The following RPS29 variants were observed in gnomAD, a reference collection of about 807,000 sequenced individuals.
RPS29 encodes small ribosomal subunit protein uS14.
For missense variants in RPS29, 60 were observed against 75.7 expected, an observed-to-expected ratio of 0.79 and a Z score of 0.77; for synonymous variants, 37 against 26.9, an observed-to-expected ratio of 1.37 and a Z score of -1.16.
At chr14:49,586,521 C>CT, upstream of RPS29, 1 of 637,596 alleles carries the variant, frequency 1.6e-6, no homozygotes, top group Middle Eastern at 2.5e-4. Flanking sequence ...GTGGGCTGGC[C>CT]CAGTTGATGA....
upstream of RPS29, chr14:49,586,949 A>G (rs140325587): frequency 6.8e-3 from 1,040 of 153,150 alleles, 8 homozygotes; most frequent in Middle Eastern, 0.044. Context: ...TTATTGATTA[A>G]ACCTTTTACT....
rs781608029 is a variant in RPS29 at position 49,585,981 on chromosome 14, C to T, written c.131G>A (p.Arg44His). ...GAAACCGATATCCTTCGCGTACTGA[C>T]GGAAACACTGGCGGCACATATTGAG... ...YGLNMCRQCF[R>H]QYAKDIGFIK... The change falls in exon 2 of 3, where the codon CGT (arginine) becomes CAT (histidine). Residue 44 changes from arginine to histidine, a missense_variant. Transcript: ENST00000245458. The T allele has an allele frequency of 1.2e-6, 2 of 1,613,800 alleles. No individual in the cohort carries two copies. Among genetic ancestry groups the T allele is most frequent in the Admixed American group, 3.3e-5 (2 of 59,988 alleles).
downstream of RPS29, among the ~76,000 whole-genome samples, chr14:49,581,979 C>T (rs1881348040): frequency 7.2e-6 from 1 of 139,668 alleles, no homozygotes; most frequent in South Asian, 2.2e-4. Flanking sequence ...CCACTGCACT[C>T]CAGCTTGGGT....
chr14:49,591,238 T>C (rs1384021337), upstream of RPS29, among the ~76,000 whole-genome samples: 2 of 152,166 alleles, frequency 1.3e-5, no homozygotes, highest in Non-Finnish European at 2.9e-5. Context: ...ACCCCTATTT[T>C]CCCAGTCTCC....
chr14:49,582,012 C>CAAAAAAAAAAAA (rs58507206), downstream of RPS29, among the ~76,000 whole-genome samples: 125 of 106,480 alleles, frequency 1.2e-3, 2 homozygotes, highest in African/African-American at 4.0e-3. Context: ...CCCTGCCCCC[C>CAAAAAAAAAAAA]AAAAAAAAAA....
downstream of RPS29, among the ~76,000 whole-genome samples, chr14:49,580,889 G>GAA (rs538812182): frequency 4.5e-5 from 5 of 110,548 alleles, no homozygotes; most frequent in Admixed American, 9.7e-5. Context: ...CGTCTCAAAA[G>GAA]AAAAAAAAAA....
At chr14:49,597,813 A>C (rs974389497) in intron 1 of RPS29, 3 of 151,462 alleles carry the variant, frequency 2.0e-5, no homozygotes, top group African/African-American at 7.3e-5. Flanking sequence ...CGCCCGGCTA[A>C]TTTTTTTGTA....
chr14:49,588,566 C>G (rs149937057), upstream of RPS29, among the ~76,000 whole-genome samples: 82 of 151,470 alleles, frequency 5.4e-4, no homozygotes, highest in Non-Finnish European at 9.1e-4. Flanking sequence ...CTCACTCTGT[C>G]GCCCAGGCTG....
At chr14:49,590,348 C>T (rs549411590), upstream of RPS29, among the ~76,000 whole-genome samples, 17 of 152,030 alleles carry the variant, frequency 1.1e-4, no homozygotes, top group South Asian at 2.7e-3. Context: ...TGGTGGCGGG[C>T]GCCTGTAGTC....
chr14:49,586,033 G>A lies in RPS29; in HGVS notation c.79C>T (p.Arg27Trp). The A allele has an allele frequency of 6.2e-7, 1 of 1,613,752 alleles. No individual in the cohort carries two copies. Among genetic ancestry groups the A allele is most frequent in the Non-Finnish European group, 8.5e-7 (1 of 1,179,668 alleles). The change falls in exon 2 of 3, where the codon CGG becomes TGG. Residue 27 changes from arginine to tryptophan, a missense_variant. Physicochemically the swap from Arg to Trp is moderately radical, Grantham distance 101. Transcript: ENST00000245458. ...CCATATTTCCGGATCAGACCGTGCCGGTTTGAACAGACACGACTGTAAGAA... is the reference window on the plus strand; with the variant it reads ...CCATATTTCCGGATCAGACCGTGCCAGTTTGAACAGACACGACTGTAAGAA... ...GSRSCRVCSN[R>W]HGLIRKYGLN... is the part of the protein sequence containing the mutation.
exon 3 of RPS29, chr14:49,572,673 A>G (rs967491925): frequency 6.6e-6 from 1 of 152,226 alleles, no homozygotes; most frequent in African/African-American, 2.4e-5. Context: ...GGTCATTGTC[A>G]TCATGCTTTG....
intron 1 of RPS29, among the ~76,000 whole-genome samples, chr14:49,596,937 G>C (rs1233825801): frequency 1.5e-5 from 1 of 65,276 alleles, no homozygotes; most frequent in African/African-American, 5.9e-5. Flanking sequence ...TTTTTTTTTT[G>C]AGAGTCTCGC....
At chr14:49,577,828 T>C (rs764738010) in exon 3 of RPS29, 24 of 1,601,826 alleles carry the variant, frequency 1.5e-5, no homozygotes, top group Non-Finnish European at 2.0e-5. Flanking sequence ...CCATAGGCAG[T>C]GCCAAGGAAG....
chr14:49,586,145 A>G, intron 1 of RPS29, 96 bp from the exon 2 acceptor site: 2 of 1,393,196 alleles, frequency 1.4e-6, no homozygotes, highest in Admixed American at 3.4e-5. Context: ...CCCAAGCCAC[A>G]GTACAGGCCT....
chr14:49,598,266 G>A, intron 1 of RPS29: 2 of 592,482 alleles, frequency 3.4e-6, no homozygotes, highest in South Asian at 2.0e-5. Flanking sequence ...CTCCCCAGGC[G>A]CTTCCCACTC....
intron 1 of RPS29, chr14:49,597,375 T>C (rs748264942): frequency 3.3e-5 from 5 of 151,904 alleles, no homozygotes; most frequent in Non-Finnish European, 7.4e-5. Flanking sequence ...TCTACTCTAA[T>C]GAAAATTATA....
chr14:49,583,677 T>TC lies in RPS29; in HGVS notation c.163-3_163-2insG. 6.6e-7 allele frequency: 1 copy of TC among 1,504,076 alleles called. No homozygotes were observed. Among genetic ancestry groups the TC allele is most frequent in the Non-Finnish European group, 9.2e-7 (1 of 1,092,486 alleles). 93.2% of individuals were successfully genotyped at this position (1,504,076 alleles called of 1,614,324 possible). On this transcript the variant is annotated splice_region_variant and splice_polypyrimidine_tract_variant and intron_variant, in intron 2 of 2. Transcript: ENST00000245458. ...CTGAAGGAAGAGCATTTAGTCCAAC[T>TC]GAAAAAAAAAAAGCAGATGATTTAT...
downstream of RPS29, among the ~76,000 whole-genome samples, chr14:49,581,872 A>G (rs942041192): frequency 6.6e-6 from 1 of 151,894 alleles, no homozygotes; most frequent in African/African-American, 2.4e-5. Context: ...AAAACACAAA[A>G]TATTATCCTG....
At chr14:49,581,883 G>T (rs1351917136), downstream of RPS29, among the ~76,000 whole-genome samples, 1 of 151,628 alleles carries the variant, frequency 6.6e-6, no homozygotes, top group African/African-American at 2.4e-5. Context: ...TATTATCCTG[G>T]CATGGTGGTG....
Sources: gnomAD v4.1 joint callset for allele counts (sites outside exome capture counted in the v4.1 genomes callset) on GRCh38, gnomAD v4.1.1 for gene constraint, MANE v1.5 for transcripts, NCBI Gene and HGNC (gene_info 2026-07-23, HGNC 2026-07-21) for gene names.